The following CUL5 variants were observed in gnomAD, a reference collection of about 807,000 sequenced individuals.
CUL5 encodes cullin 5.
CUL5 carries 26 observed loss-of-function variants against 108.8 expected under a neutral mutation model. The observed-to-expected ratio is 0.24, with a 90% CI of 0.18 to 0.33. CUL5 has a LOEUF of 0.33. CUL5 is among the 10% of genes least tolerant of loss of function. The pLI, the probability that CUL5 is intolerant of heterozygous loss-of-function variation, is 1.00. For synonymous variants in CUL5, 334 were observed against 298.0 expected, an observed-to-expected ratio of 1.12 and a Z score of -1.25; for missense variants, 524 against 909.2, an observed-to-expected ratio of 0.58 and a Z score of 5.45.
At chr11:108,032,855 T>G (rs1862628801) in intron 1 of CUL5, among the ~76,000 whole-genome samples, 1 of 149,130 alleles carries the variant, frequency 6.7e-6, no homozygotes, top group African/African-American at 2.5e-5. Context: ...TATTTTTCTG[T>G]TTTTTTTTTC....
chr11:108,097,550 T>C, intron 16 of CUL5, 86 bp from the exon 17 acceptor site: 1 of 712,026 alleles, frequency 1.4e-6, no homozygotes, highest in South Asian at 2.0e-5. Context: ...AATCTTTTTC[T>C]TGCCTATGTT....
At chr11:108,017,027 A>G (rs1247770110) in intron 1 of CUL5, among the ~76,000 whole-genome samples, 1 of 152,144 alleles carries the variant, frequency 6.6e-6, no homozygotes. Flanking sequence ...ATCAAAGGTA[A>G]TTGATCTGTG....
intron 1 of CUL5, among the ~76,000 whole-genome samples, chr11:108,021,150 G>A (rs1477657415): frequency 1.3e-5 from 2 of 152,310 alleles, no homozygotes; most frequent in Admixed American, 1.3e-4. Context: ...ATTTGTGTAA[G>A]TACATGCTGT....
chr11:108,074,476 T>A (rs1400822740), intron 10 of CUL5, among the ~76,000 whole-genome samples: 1 of 151,590 alleles, frequency 6.6e-6, no homozygotes, highest in Non-Finnish European at 1.5e-5. Flanking sequence ...ATTACAGGCC[T>A]GAGCTACTGT....
chr11:108,034,453 T>A (rs1862675294), intron 2 of CUL5, among the ~76,000 whole-genome samples: 1 of 152,178 alleles, frequency 6.6e-6, no homozygotes, highest in Non-Finnish European at 1.5e-5. Context: ...TGTAGGAAAC[T>A]GTTGACCATT....
rs1227337052 is a variant in CUL5 at position 108,034,529 on chromosome 11, G to C, written c.134+618G>C. The stretch of plus-strand genomic sequence containing the variant: ...GGCATTTCTAGGGGATGCAGTCTCA[G>C]GGGTGCTGGTAGTTGGTGCTGTTAG... On this transcript the variant is annotated intron_variant, in intron 2 of 18. Transcript: ENST00000393094. 3.9e-5 allele frequency among the ~76,000 whole-genome samples: 6 copies of C among 152,298 alleles called. No individual in the cohort carries two copies. The East Asian group carries it at 5.8e-4, about 15-fold the overall frequency.
At chr11:108,037,915 A>G (rs187786660) in intron 2 of CUL5, among the ~76,000 whole-genome samples, 6 of 152,362 alleles carry the variant, frequency 3.9e-5, no homozygotes, top group Non-Finnish European at 5.9e-5. Flanking sequence ...GCAGTCTCAG[A>G]CACACTATTA....
intron 1 of CUL5, 38 bp downstream of exon 1, chr11:108,009,410 C>T (rs1179411994): frequency 1.9e-6 from 3 of 1,610,764 alleles, no homozygotes; most frequent in Admixed American, 1.7e-5. Context: ...TACTGTGTGG[C>T]CGCCGGGTTC....
At chr11:108,081,000 T>C (rs1389064263) in intron 11 of CUL5, among the ~76,000 whole-genome samples, 1 of 151,268 alleles carries the variant, frequency 6.6e-6, no homozygotes, top group African/African-American at 2.4e-5. Flanking sequence ...TTGAGAGTTT[T>C]ATAGGGCCGG....
chr11:108,103,717 G>C (rs1368991947), intron 18 of CUL5, among the ~76,000 whole-genome samples: 1 of 152,156 alleles, frequency 6.6e-6, no homozygotes, highest in African/African-American at 2.4e-5. Context: ...GGAATTGAAG[G>C]AAATAATATT....
chr11:108,103,468 A>T (rs1864720381), intron 18 of CUL5, among the ~76,000 whole-genome samples: 1 of 152,274 alleles, frequency 6.6e-6, no homozygotes, highest in South Asian at 2.1e-4. Flanking sequence ...TGAAGATAAT[A>T]TTTGTAGCAA....
chr11:108,022,439 TG>T (rs1292776737), intron 1 of CUL5, among the ~76,000 whole-genome samples: 1 of 152,248 alleles, frequency 6.6e-6, no homozygotes, highest in Non-Finnish European at 1.5e-5. Context: ...CCTTTACTCA[TG>T]ACCTAGTAAA....
rs1440622224 is a variant in CUL5 at position 108,105,624 on chromosome 11, T to A, written c.*1240T>A. The A allele has an allele frequency of 6.6e-6, 1 of 152,136 alleles. No homozygotes were observed. The highest frequency in any genetic ancestry group is 1.5e-5 in the Non-Finnish European group (1 of 68,002). 9.4% of individuals were successfully genotyped at this position (152,136 alleles called of 1,614,324 possible). On this transcript the variant is annotated 3_prime_UTR_variant, in exon 19 of 19. Transcript: ENST00000393094. The stretch of plus-strand genomic sequence containing the variant: ...CTATCCAAAGTAGCAACTTAACTAG[T>A]TGCTGGCAACTGAATACCCAGAGTA...
At chr11:108,011,943 T>C (rs1003307816) in intron 1 of CUL5, among the ~76,000 whole-genome samples, 1 of 152,192 alleles carries the variant, frequency 6.6e-6, no homozygotes, top group African/African-American at 2.4e-5. Context: ...TTTTTTAATA[T>C]TGGAATTTGA....
intron 11 of CUL5, among the ~76,000 whole-genome samples, chr11:108,083,746 C>G (rs1339276173): frequency 7.2e-5 from 11 of 152,298 alleles, no homozygotes; most frequent in Middle Eastern, 3.4e-3. Flanking sequence ...CCACTGTACT[C>G]CAGTCTGGGC....
At chr11:108,062,533 T>G (rs1387329137) in intron 7 of CUL5, among the ~76,000 whole-genome samples, 6 of 148,318 alleles carry the variant, frequency 4.0e-5, no homozygotes. Context: ...TAAATATAAT[T>G]ATAAATATAT....
At chr11:108,052,545 A>T in intron 4 of CUL5, 115 bp from the exon 5 acceptor site, 1 of 890,550 alleles carries the variant, frequency 1.1e-6, no homozygotes, top group South Asian at 1.9e-5. Flanking sequence ...TACAGGCGTG[A>T]GCCACTGCAC....
At chr11:108,088,799 A>G (rs1379412824) in intron 12 of CUL5, 140 bp downstream of exon 12, 3 of 614,294 alleles carry the variant, frequency 4.9e-6, no homozygotes, top group Non-Finnish European at 5.1e-6. Context: ...TTGCAGTGCA[A>G]GACCTCTCGG....
At chr11:108,064,363 G>A (rs887492117) in intron 7 of CUL5, among the ~76,000 whole-genome samples, 13 of 152,110 alleles carry the variant, frequency 8.5e-5, no homozygotes, top group African/African-American at 2.2e-4. Flanking sequence ...TTGCATCCAC[G>A]GATAAATCCC....
Sources: allele counts gnomAD v4.1 joint callset (sites outside exome capture counted in the v4.1 genomes callset), GRCh38; gene constraint gnomAD v4.1.1; transcripts MANE v1.5; gene names NCBI Gene and HGNC (gene_info 2026-07-23, HGNC 2026-07-21).